The following CACNA1E variants were observed in gnomAD, a reference collection of about 807,000 sequenced individuals.
The protein encoded by CACNA1E is voltage-dependent R-type calcium channel subunit alpha-1E.
CACNA1E carries 40 observed loss-of-function variants against 259.2 expected under a neutral mutation model. The ratio of observed to expected loss-of-function variants is 0.15; its 90% CI spans 0.12 to 0.20. The LOEUF (loss-of-function observed/expected upper bound fraction) is 0.20, where lower values mean the gene tolerates loss of function less well. Among genes scored for constraint, CACNA1E ranks in the 10% least tolerant of loss-of-function variants. The pLI, the probability that CACNA1E is intolerant of heterozygous loss-of-function variation, is 1.00. For missense variants in CACNA1E, 1,874 were observed against 3,040.1 expected (o/e 0.62, Z 9.02); for synonymous variants, 1,104 against 1,138.5 (o/e 0.97, Z 0.61).
intron 25 of CACNA1E, among the ~76,000 whole-genome samples, chr1:181,744,850 A>G (rs1656910238): frequency 6.6e-6 from 1 of 152,234 alleles, no homozygotes; most frequent in Non-Finnish European, 1.5e-5. Flanking sequence ...GAAGGATTAA[A>G]ATTAAATTTA....
intron 2 of CACNA1E, among the ~76,000 whole-genome samples, chr1:181,437,615 A>G (rs746448738): frequency 6.6e-6 from 1 of 152,136 alleles, no homozygotes; most frequent in African/African-American, 2.4e-5. Context: ...GACTTCTCAG[A>G]GTACTTAGAC....
chr1:181,555,566 T>C (rs1187654503), intron 3 of CACNA1E, among the ~76,000 whole-genome samples: 3 of 152,152 alleles, frequency 2.0e-5, no homozygotes, highest in Non-Finnish European at 4.4e-5. Flanking sequence ...AATAACCAGG[T>C]TTTCTCCTGT....
intron 7 of CACNA1E, among the ~76,000 whole-genome samples, chr1:181,677,012 G>A (rs1384997625): frequency 6.6e-6 from 1 of 152,100 alleles, no homozygotes; most frequent in African/African-American, 2.4e-5. Flanking sequence ...AGAACTGGCT[G>A]TGCTCCTCTC....
At chr1:181,752,569 A>G (rs1314425341) in intron 27 of CACNA1E, among the ~76,000 whole-genome samples, 4 of 152,220 alleles carry the variant, frequency 2.6e-5, no homozygotes, top group Non-Finnish European at 5.9e-5. Flanking sequence ...CCAGAACACC[A>G]GAATGGAAGC....
chr1:181,694,796 C>T (rs1651538900), intron 7 of CACNA1E, among the ~76,000 whole-genome samples: 1 of 152,186 alleles, frequency 6.6e-6, no homozygotes, highest in South Asian at 2.1e-4. Flanking sequence ...ATTAATCCCT[C>T]TTCCCTGTAA....
chr1:181,548,463 G>A (rs1647766965), intron 3 of CACNA1E, among the ~76,000 whole-genome samples: 1 of 152,116 alleles, frequency 6.6e-6, no homozygotes. Context: ...TGTTGCTCAT[G>A]TCATATGGAT....
chr1:181,335,874 A>G (rs919354822), intron 1 of CACNA1E, among the ~76,000 whole-genome samples: 2 of 152,208 alleles, frequency 1.3e-5, no homozygotes, highest in African/African-American at 4.8e-5. Context: ...CTCATAGTCC[A>G]GTCCTTGGCC....
chr1:181,425,648 G>A (rs1428188766), intron 2 of CACNA1E, among the ~76,000 whole-genome samples: 1 of 151,334 alleles, frequency 6.6e-6, no homozygotes, highest in Non-Finnish European at 1.5e-5. Context: ...GAAGGCTGAG[G>A]CGCAGAGAAG....
chr1:181,539,391 G>C (rs540098626), intron 3 of CACNA1E, among the ~76,000 whole-genome samples: 22 of 152,244 alleles, frequency 1.4e-4, no homozygotes, highest in African/African-American at 5.3e-4. Context: ...GCTAATTAAT[G>C]AATTAATGAA....
intron 1 of CACNA1E, among the ~76,000 whole-genome samples, chr1:181,393,961 G>A (rs571909111): frequency 2.0e-5 from 3 of 152,182 alleles, no homozygotes. Flanking sequence ...GGACTGAGTG[G>A]GACTGAGTGC....
intron 10 of CACNA1E, 66 bp from the exon 11 acceptor site, chr1:181,717,027 G>T: frequency 1.4e-6 from 2 of 1,409,634 alleles, no homozygotes; most frequent in South Asian, 1.2e-5. Flanking sequence ...CTTGCCCTTC[G>T]AATGCTCCCT....
At position 181,758,167 on chromosome 1, in the gene CACNA1E, G is replaced by A. The variant is rs1229552763; in HGVS notation, c.4494+56G>A. 29 of 1,530,640 alleles carry A rather than the reference G, an allele frequency of 1.9e-5. 1 individual carries two copies. The highest frequency in any genetic ancestry group is 8.2e-5 in the African/African-American group (6 of 73,354). The allele number at this position is 1,530,640 out of a possible 1,614,324, so 94.8% of individuals were successfully genotyped here. Reference sequence around the variant, plus strand: ...AGCCCCAGCGATGGTTCCCTCCCAGGGCAAGTGGGAAGACACCCCAACATC... The same window carrying A: ...AGCCCCAGCGATGGTTCCCTCCCAGAGCAAGTGGGAAGACACCCCAACATC... On this transcript the variant is annotated intron_variant, in intron 31 of 47. Transcript: ENST00000367573. The surrounding 1 kb of genome is among the most constrained non-coding windows in gnomAD (Gnocchi z 4.2).
At chr1:181,791,699 A>G (rs1323230588) in intron 44 of CACNA1E, among the ~76,000 whole-genome samples, 3 of 152,154 alleles carry the variant, frequency 2.0e-5, no homozygotes, top group African/African-American at 7.2e-5. Flanking sequence ...CTGAAGAGAA[A>G]AAAAGACAAA....
intron 6 of CACNA1E, among the ~76,000 whole-genome samples, chr1:181,641,782 C>T (rs374991747): frequency 5.4e-5 from 7 of 128,978 alleles, no homozygotes; most frequent in South Asian, 4.8e-4. Context: ...GGTGTGATCT[C>T]GGCTTACTGC....
chr1:181,565,177 T>C (rs749833132), intron 3 of CACNA1E, among the ~76,000 whole-genome samples: 18 of 152,342 alleles, frequency 1.2e-4, no homozygotes, highest in Non-Finnish European at 2.2e-4. Flanking sequence ...TGGTTTCTTA[T>C]CTAGATGGTA....
At chr1:181,612,248 G>A (rs182699515) in intron 6 of CACNA1E, among the ~76,000 whole-genome samples, 101 of 152,288 alleles carry the variant, frequency 6.6e-4, no homozygotes, top group Non-Finnish European at 5.9e-5. Context: ...AGGGGAGCAG[G>A]CTGAACCATG....
At chr1:181,516,933 G>T (rs371892152) in intron 3 of CACNA1E, among the ~76,000 whole-genome samples, 4 of 150,292 alleles carry the variant, frequency 2.7e-5, no homozygotes, top group African/African-American at 7.3e-5. Flanking sequence ...GGAGGGGCAG[G>T]TGTGTCTGTG....
intron 1 of CACNA1E, among the ~76,000 whole-genome samples, chr1:181,408,297 G>T (rs1657608476): frequency 6.6e-6 from 1 of 152,194 alleles, no homozygotes; most frequent in Non-Finnish European, 1.5e-5. Flanking sequence ...CCAAGGAAAG[G>T]AAGATGAATG....
intron 3 of CACNA1E, among the ~76,000 whole-genome samples, chr1:181,553,486 C>T (rs537225158): frequency 1.3e-5 from 2 of 152,252 alleles, no homozygotes; most frequent in African/African-American, 4.8e-5. Context: ...TATGTGAATA[C>T]CCTTTATTTC....
Sources: gnomAD v4.1 joint callset for allele counts (sites outside exome capture counted in the v4.1 genomes callset) on GRCh38, gnomAD v4.1.1 for gene constraint, Gnocchi (gnomAD v3.1) non-coding constraint, MANE v1.5 for transcripts, NCBI Gene and HGNC (gene_info 2026-07-23, HGNC 2026-07-21) for gene names.